Variants in HEATR4 observed in about 807,000 individuals in gnomAD.
HEATR4 encodes the protein HEAT repeat-containing protein 4.
HEATR4 carries 95 observed loss-of-function variants against 108.8 expected under a neutral mutation model. The observed-to-expected ratio is 0.87, with a 90% CI of 0.74 to 1.04. The LOEUF is 1.04. Ranked by LOEUF, HEATR4 falls within the 50% of genes least tolerant of loss-of-function variation. The pLI is 0.00. For missense variants in HEATR4, 1,152 were observed against 1,253.8 expected, an observed-to-expected ratio of 0.92 and a Z score of 1.23; for synonymous variants, 443 against 459.4, an observed-to-expected ratio of 0.96 and a Z score of 0.46.
intron 3 of HEATR4, among the ~76,000 whole-genome samples, chr14:73,521,345 T>C (rs1445137894): frequency 2.0e-5 from 3 of 152,116 alleles, no homozygotes; most frequent in Non-Finnish European, 4.4e-5. Context: ...TTCGTACTCT[T>C]AGAGGCGGCA....
the HEATR4 span, chr14:73,619,519 G>C: frequency 6.2e-7 from 1 of 1,614,220 alleles, no homozygotes; most frequent in Admixed American, 1.7e-5. Flanking sequence ...AAAGGCGCAG[G>C]TGCCCTTCTT....
the HEATR4 span, chr14:73,591,996 T>C: frequency 1.4e-6 from 2 of 1,421,892 alleles, no homozygotes; most frequent in South Asian, 1.5e-5. Context: ...CCCAGGCCGC[T>C]GCTGCTGGAA....
At position 73,509,856 on chromosome 14, in the gene HEATR4, A is replaced by ATT. The variant is rs1566832292; in HGVS notation, c.1559-384_1559-383insAA. ...TATATATATATATATATATATATAT[A>ATT]TATATATATATATTTATTTATTTTA... is the stretch of plus-strand genomic sequence containing the variant. On this transcript the variant is annotated intron_variant, in intron 7 of 17. Coordinates refer to ENST00000553558, the MANE Select transcript of HEATR4 (RefSeq NM_001220484.1). Among the ~76,000 whole-genome samples, 18 of 61,320 alleles carry ATT rather than the reference A, an allele frequency of 2.9e-4. 1 individual carries two copies. Among genetic ancestry groups the ATT allele is most frequent in the African/African-American group, 1.2e-3 (17 of 14,514 alleles). 40.2% of individuals were successfully genotyped at this position (61,320 alleles called of 152,430 possible). A position where few individuals can be genotyped will look rare whatever the true frequency, so the allele number is the denominator to read the frequency against.
Position 73,544,906 on chromosome 14 carries a change from T to G in HEATR4, c.-152+13845A>C, listed in dbSNP as rs1889209047. Among the ~76,000 whole-genome samples, 3 of 110,680 alleles carry G rather than the reference T, an allele frequency of 2.7e-5. 1 individual carries two copies. In the South Asian group the frequency reaches 8.7e-4, roughly 32 times the overall value. 72.6% of individuals were successfully genotyped at this position (110,680 alleles called of 152,430 possible). On this transcript the variant is annotated intron_variant, in intron 1 of 17. Coordinates refer to ENST00000553558, the MANE Select transcript of HEATR4 (RefSeq NM_001220484.1). ...TTGTGCTACTGCGCTCTAGCCTGGGTGACAGCAGGATACTGTCTCAAAAAA... is the reference window on the plus strand; with the variant it reads ...TTGTGCTACTGCGCTCTAGCCTGGGGGACAGCAGGATACTGTCTCAAAAAA...
At chr14:73,509,037 T>G (rs777777839) in intron 8 of HEATR4, among the ~76,000 whole-genome samples, 2 of 152,048 alleles carry the variant, frequency 1.3e-5, no homozygotes, top group African/African-American at 2.4e-5. Context: ...TGGCTAATTT[T>G]AAAATTTTTT....
chr14:73,538,873 C>G lies in HEATR4; in HGVS notation c.-151-8629G>C, dbSNP rs1200708338. 8.0e-5 allele frequency among the ~76,000 whole-genome samples: 9 copies of G among 112,392 alleles called. 1 individual carries two copies. The highest frequency in any genetic ancestry group is 2.6e-4 in the African/African-American group (9 of 34,386). The allele number at this position is 112,392 out of a possible 152,430, so 73.7% of individuals were successfully genotyped here. On this transcript the variant is annotated intron_variant, in intron 1 of 17. Transcript: ENST00000553558. ...GTCCCACCTACTCGGGAGTCTGAGGCAGGAGAATCGCTGGAACCCTGGAGG... is the reference window on the plus strand; with the variant it reads ...GTCCCACCTACTCGGGAGTCTGAGGGAGGAGAATCGCTGGAACCCTGGAGG...
At chr14:73,483,793 T>C (rs1824048704) in intron 17 of HEATR4, among the ~76,000 whole-genome samples, 1 of 152,184 alleles carries the variant, frequency 6.6e-6, no homozygotes, top group Admixed American at 6.6e-5. Context: ...TATGTAAAGC[T>C]GGAATACTTA....
intron 1 of HEATR4, among the ~76,000 whole-genome samples, chr14:73,551,823 A>C (rs1171542530): frequency 1.8e-5 from 2 of 110,198 alleles, no homozygotes; most frequent in Non-Finnish European, 3.9e-5. Context: ...AAAAAAAAAA[A>C]AACAGACAAA....
intron 10 of HEATR4, 39 bp downstream of exon 10, chr14:73,506,428 C>G (rs12894399): frequency 6.7e-7 from 1 of 1,493,434 alleles, no homozygotes; most frequent in Non-Finnish European, 9.3e-7. Context: ...CTCAGCCTCT[C>G]TTAGGCTTTC....
intron 2 of HEATR4, among the ~76,000 whole-genome samples, chr14:73,524,330 T>TAC (rs1888198348): frequency 7.3e-6 from 1 of 137,912 alleles, no homozygotes; most frequent in African/African-American, 2.8e-5. Context: ...TATATATATA[T>TAC]ATATATTATA....
At chr14:73,515,390 T>A (rs1887535252) in intron 5 of HEATR4, among the ~76,000 whole-genome samples, 1 of 151,724 alleles carries the variant, frequency 6.6e-6, no homozygotes, top group South Asian at 2.1e-4. Flanking sequence ...GTAAAAAGAG[T>A]CCTGTGAGGC....
At chr14:73,622,858 G>T in the HEATR4 span, among the ~76,000 whole-genome samples, 1 of 152,088 alleles carries the variant, frequency 6.6e-6, no homozygotes, top group Non-Finnish European at 1.5e-5. Flanking sequence ...CTATGCCCTT[G>T]CCTGGATTGA....
chr14:73,487,257 G>A (rs1357303758), intron 17 of HEATR4, among the ~76,000 whole-genome samples: 1 of 148,664 alleles, frequency 6.7e-6, no homozygotes, highest in Non-Finnish European at 1.5e-5. Flanking sequence ...GGAAAGTAAA[G>A]TTTATTGTTT....
At chr14:73,610,140 T>A in the HEATR4 span, among the ~76,000 whole-genome samples, 4 of 151,930 alleles carry the variant, frequency 2.6e-5, no homozygotes, top group African/African-American at 9.7e-5. Flanking sequence ...CCTCAAAACT[T>A]CTTGCCTGGA....
the HEATR4 span, chr14:73,593,974 C>G: frequency 7.2e-7 from 1 of 1,380,406 alleles, no homozygotes; most frequent in South Asian, 1.5e-5. Flanking sequence ...ACCTTTACCA[C>G]GTGCAGAAAT....
the HEATR4 span, among the ~76,000 whole-genome samples, chr14:73,618,847 C>T: frequency 2.9e-4 from 44 of 152,242 alleles, no homozygotes; most frequent in South Asian, 9.1e-3. Context: ...AAGAAAGCTA[C>T]TGGCGGGGCA....
the HEATR4 span, among the ~76,000 whole-genome samples, chr14:73,618,057 T>A: frequency 6.6e-6 from 1 of 151,890 alleles, no homozygotes; most frequent in African/African-American, 2.4e-5. Flanking sequence ...GCAGGAGAAT[T>A]GCTCGAACTC....
rs1885110591 is a variant in HEATR4 at position 73,478,693 on chromosome 14, T to C, written c.2994A>G (p.Pro998=). ...CTGAGAATTTACCCAGATAAAGAGC[T>C]GGGTAGTCGGATCTAAATGGTCCCA... ...IAVGPFRSDY[P]ALYLGKFSER... is the part of the protein sequence containing the mutation. The change falls in exon 18 of 18, where the codon CCA becomes CCG. Residue 998 remains proline, a synonymous_variant. Transcript: ENST00000553558. 1 of 1,613,456 alleles carries C rather than the reference T, an allele frequency of 6.2e-7. No homozygotes were observed. The highest frequency in any genetic ancestry group is 1.3e-5 in the African/African-American group (1 of 74,754).
chr14:73,603,203 G>A, the HEATR4 span, among the ~76,000 whole-genome samples: 1 of 152,196 alleles, frequency 6.6e-6, no homozygotes, highest in Non-Finnish European at 1.5e-5. Context: ...GCCTTACCAA[G>A]CTGTAAAGCA....
Sources: gnomAD v4.1 joint callset for allele counts (sites outside exome capture counted in the v4.1 genomes callset) on GRCh38, gnomAD v4.1.1 for gene constraint, MANE v1.5 for transcripts, NCBI Gene and HGNC (gene_info 2026-07-23, HGNC 2026-07-21) for gene names.